Variants in ZSCAN5A observed in about 807,000 individuals in gnomAD.
ZSCAN5A encodes zinc finger and SCAN domain-containing protein 5A.
Under a neutral mutation model 23.7 loss-of-function variants are expected in ZSCAN5A, and 12 were observed. That is an observed-to-expected ratio of 0.51 (90% CI 0.32 to 0.82). The LOEUF is 0.82. ZSCAN5A is among the 40% of genes least tolerant of loss of function. ZSCAN5A has a pLI of 0.03. For synonymous variants in ZSCAN5A, 257 were observed against 239.9 expected (o/e 1.07, Z -0.66); for missense variants, 597 against 617.9 (o/e 0.97, Z 0.36).
At position 56,268,438 on chromosome 19, in the gene ZSCAN5A, A is replaced by ATGC. The variant is rs376972677; in HGVS notation, c.-127-43268_-127-43266dup. The stretch of plus-strand genomic sequence containing the variant: ...ACTTGTTTCCCTGTAGAAGCCTCAG[A>ATGC]TGCTGCTGCTGCTGCTGCTGGTTTA... On this transcript the variant is annotated intron_variant, in intron 2 of 5. Coordinates refer to ENST00000683990, the MANE Select transcript of ZSCAN5A (RefSeq NM_001322064.3). Among the ~76,000 whole-genome samples, 24 of 152,254 alleles carry ATGC rather than the reference A, an allele frequency of 1.6e-4. No individual in the cohort carries two copies. The South Asian group carries it at 1.9e-3, about 12-fold the overall frequency.
intron 2 of ZSCAN5A, chr19:56,274,555 A>ATT (rs2038110278): frequency 6.6e-6 from 1 of 152,178 alleles, no homozygotes; most frequent in Admixed American, 6.5e-5. Context: ...CACAAAAATT[A>ATT]AGTTTCTGAA....
At chr19:56,300,117 A>G (rs1484449061) in intron 2 of ZSCAN5A, 1 of 152,232 alleles carries the variant, frequency 6.6e-6, no homozygotes. Context: ...AAAACAAAAT[A>G]TCCTCCAAAC....
chr19:56,225,113 C>G lies in ZSCAN5A; in HGVS notation c.-67G>C. The G allele has an allele frequency of 6.6e-7, 1 of 1,510,438 alleles. No individual in the cohort carries two copies. Among genetic ancestry groups the G allele is most frequent in the Non-Finnish European group, 8.8e-7 (1 of 1,136,938 alleles). The allele number at this position is 1,510,438 out of a possible 1,614,324, so 93.6% of individuals were successfully genotyped here. On this transcript the variant is annotated 5_prime_UTR_variant, in exon 3 of 6. Coordinates refer to ENST00000683990, the MANE Select transcript of ZSCAN5A (RefSeq NM_001322064.3). ...TCCAGTAGCTGGTATCTAATTGATA[C>G]CTATCTACACAGGCTTCCTCTGGTT... is the stretch of plus-strand genomic sequence containing the variant.
chr19:56,251,020 T>C (rs12151024), intron 2 of ZSCAN5A, among the ~76,000 whole-genome samples: 45,022 of 151,888 alleles, frequency 0.3, 6,732 homozygotes, highest in Middle Eastern at 0.4. Flanking sequence ...TGTGGTGGCA[T>C]GCACCTGTAG....
chr19:56,223,271 A>G (rs1414289305), intron 4 of ZSCAN5A, among the ~76,000 whole-genome samples: 1 of 152,250 alleles, frequency 6.6e-6, no homozygotes, highest in East Asian at 1.9e-4. Context: ...CCTCAAATTA[A>G]GAAATTGACA....
In ZSCAN5A at chr19:56,257,230, G is replaced by A. The variant is rs1319364109; in HGVS notation, c.-127-32057C>T. On this transcript the variant is annotated intron_variant, in intron 2 of 5. Transcript: ENST00000683990. Reference sequence around the variant, plus strand: ...AGGGGCATCCCAAGTTTGGACAGAAGCAATGTGAATGGACACGAAAGGAGA... The same window carrying A: ...AGGGGCATCCCAAGTTTGGACAGAAACAATGTGAATGGACACGAAAGGAGA... 3.9e-5 allele frequency among the ~76,000 whole-genome samples: 6 copies of A among 152,178 alleles called. No individual in the cohort carries two copies. In the East Asian group the frequency reaches 1.2e-3, roughly 29 times the overall value.
intron 2 of ZSCAN5A, chr19:56,320,427 C>T: frequency 3.0e-6 from 1 of 334,490 alleles, no homozygotes; most frequent in South Asian, 2.8e-5. Flanking sequence ...CTAATCTCTA[C>T]TAAAAATACA....
Position 56,352,488 on chromosome 19 carries a change from A to G in ZSCAN5A, c.-358+10747T>C, listed in dbSNP as rs2041673713. ...CTTAGATGCTGAGCGTGAATGTGAG[A>G]CTGTTAGATGTAAAAGAAAAAATAT... On this transcript the variant is annotated intron_variant, in intron 2 of 6. Coordinates refer to the ZSCAN5A transcript ENST00000587340. The surrounding 1 kb of genome is among the most constrained non-coding windows in gnomAD (Gnocchi z 4.2). 6.6e-6 allele frequency among the ~76,000 whole-genome samples: 1 copy of G among 152,210 alleles called. No individual in the cohort carries two copies. Among genetic ancestry groups the G allele is most frequent in the East Asian group, 1.9e-4 (1 of 5,190 alleles).
intron 2 of ZSCAN5A, chr19:56,343,532 C>A: frequency 2.6e-6 from 1 of 382,566 alleles, no homozygotes; most frequent in South Asian, 2.0e-5. Context: ...AGTGTATTTT[C>A]ATTGACGGCT....
intron 2 of ZSCAN5A, among the ~76,000 whole-genome samples, chr19:56,226,073 G>A (rs11669372): frequency 0.33 from 49,630 of 150,742 alleles, 8,505 homozygotes; most frequent in Middle Eastern, 0.41. Context: ...ATCAATTATC[G>A]TCCAAGTTCA....
intron 2 of ZSCAN5A, among the ~76,000 whole-genome samples, chr19:56,226,929 C>CA (rs977235552): frequency 2.6e-4 from 39 of 151,978 alleles, no homozygotes; most frequent in Non-Finnish European, 4.1e-4. Context: ...GTTCAAATTA[C>CA]AAAAAAAAAT....
At chr19:56,349,750 A>G (rs1377180793) in intron 2 of ZSCAN5A, among the ~76,000 whole-genome samples, 3 of 151,492 alleles carry the variant, frequency 2.0e-5, no homozygotes, top group African/African-American at 7.3e-5. Context: ...TCTTAAGCTG[A>G]AAATCATAAA....
chr19:56,283,796 T>C (rs1353384712), intron 2 of ZSCAN5A: 4 of 152,196 alleles, frequency 2.6e-5, no homozygotes, highest in African/African-American at 9.7e-5. Flanking sequence ...AGGGACAATA[T>C]CTGATCTCAA....
At chr19:56,225,271 A>G (rs1226427452) in intron 2 of ZSCAN5A, 98 bp from the exon 3 acceptor site, 1 of 1,192,006 alleles carries the variant, frequency 8.4e-7, no homozygotes, top group Non-Finnish European at 1.1e-6. Context: ...CTTCAGCAGC[A>G]TCGAATTCAG....
At chr19:56,359,506 G>A (rs79030434) in intron 2 of ZSCAN5A, among the ~76,000 whole-genome samples, 4,133 of 152,262 alleles carry the variant, frequency 0.027, 178 homozygotes, top group African/African-American at 0.093. Context: ...GGTGCAAAGA[G>A]GAGCTGGTAC....
intron 2 of ZSCAN5A, among the ~76,000 whole-genome samples, chr19:56,232,683 C>A (rs1436741646): frequency 1.4e-5 from 2 of 138,062 alleles, no homozygotes. Flanking sequence ...TTTTCTTTTT[C>A]TTTTTCTTTT....
chr19:56,228,424 T>G (rs2034172763), intron 2 of ZSCAN5A: 2 of 985,316 alleles, frequency 2.0e-6, no homozygotes, highest in Non-Finnish European at 2.4e-6. Context: ...GTAATCGGCG[T>G]TGATTATGGT....
intron 2 of ZSCAN5A, among the ~76,000 whole-genome samples, chr19:56,237,192 T>G (rs1393388890): frequency 1.3e-5 from 2 of 152,254 alleles, no homozygotes; most frequent in East Asian, 3.8e-4. Context: ...TTTCGTTGCT[T>G]TGTTCTTTTG....
chr19:56,282,138 C>G (rs1001856475), intron 2 of ZSCAN5A, among the ~76,000 whole-genome samples: 9 of 151,994 alleles, frequency 5.9e-5, no homozygotes, highest in African/African-American at 2.2e-4. Flanking sequence ...TCTTCCTTTC[C>G]CAGAATTAAC....
Sources: allele counts gnomAD v4.1 joint callset (sites outside exome capture counted in the v4.1 genomes callset), GRCh38; gene constraint gnomAD v4.1.1; non-coding constraint Gnocchi (gnomAD v3.1); transcripts MANE v1.5; gene names NCBI Gene and HGNC (gene_info 2026-07-23, HGNC 2026-07-21).